CDKAL1: variants seen among roughly 807,000 people sequenced by gnomAD.
The protein encoded by CDKAL1 is CDKAL1 threonylcarbamoyladenosine tRNA methylthiotransferase.
In CDKAL1, 32 loss-of-function variants were observed where a neutral mutation model predicts 68.2. The observed-to-expected ratio is 0.47, with a 90% CI of 0.35 to 0.63. The LOEUF (loss-of-function observed/expected upper bound fraction) is 0.63, where lower values mean the gene tolerates loss of function less well. Among genes scored for constraint, CDKAL1 ranks in the 30% least tolerant of loss-of-function variants. CDKAL1 has a pLI of 0.00. For missense variants in CDKAL1, 606 were observed against 696.7 expected, an observed-to-expected ratio of 0.87 and a Z score of 1.47; for synonymous variants, 234 against 244.3, an observed-to-expected ratio of 0.96 and a Z score of 0.39.
chr6:20,688,374 C>A (rs1230090982), intron 5 of CDKAL1, among the ~76,000 whole-genome samples: 1 of 151,892 alleles, frequency 6.6e-6, no homozygotes, highest in Non-Finnish European at 1.5e-5. Context: ...GTATGTTACA[C>A]CTTTTGTAAT....
At chr6:20,973,323 T>C (rs1454500379) in intron 10 of CDKAL1, among the ~76,000 whole-genome samples, 1 of 152,206 alleles carries the variant, frequency 6.6e-6, no homozygotes, top group African/African-American at 2.4e-5. Context: ...TAAAGGTATC[T>C]TTTGGGTCAC....
chr6:20,793,084 TC>T (rs561940020), intron 8 of CDKAL1, among the ~76,000 whole-genome samples: 145 of 152,332 alleles, frequency 9.5e-4, no homozygotes, highest in African/African-American at 3.4e-3. Context: ...TATTGAGAAT[TC>T]TGTCACTAGC....
intron 5 of CDKAL1, among the ~76,000 whole-genome samples, chr6:20,695,382 C>G (rs1189121614): frequency 1.3e-5 from 2 of 152,172 alleles, no homozygotes; most frequent in South Asian, 2.1e-4. Flanking sequence ...AGGGGAAGGT[C>G]TCACCATCAA....
At chr6:21,049,651 T>C (rs1770430979) in intron 11 of CDKAL1, among the ~76,000 whole-genome samples, 1 of 152,194 alleles carries the variant, frequency 6.6e-6, no homozygotes, top group Admixed American at 6.5e-5. Flanking sequence ...TGTTACAGGA[T>C]AAAAAACTTA....
At chr6:21,019,998 T>C (rs1582041136) in intron 11 of CDKAL1, among the ~76,000 whole-genome samples, 1 of 152,124 alleles carries the variant, frequency 6.6e-6, no homozygotes, top group African/African-American at 2.4e-5. Flanking sequence ...CTAACACCAG[T>C]GTTCTAAATG....
At chr6:20,735,973 C>T (rs1181054883) in intron 5 of CDKAL1, among the ~76,000 whole-genome samples, 1 of 152,220 alleles carries the variant, frequency 6.6e-6, no homozygotes, top group African/African-American at 2.4e-5. Flanking sequence ...TCAACTATCA[C>T]TTTGAAATCT....
At chr6:20,743,512 T>C (rs1773544617) in intron 6 of CDKAL1, among the ~76,000 whole-genome samples, 1 of 152,276 alleles carries the variant, frequency 6.6e-6, no homozygotes, top group Middle Eastern at 3.4e-3. Flanking sequence ...ATTACTACCA[T>C]CATAACATGC....
At chr6:21,206,033 C>T (rs10223539) in intron 15 of CDKAL1, among the ~76,000 whole-genome samples, 18,245 of 146,740 alleles carry the variant, frequency 0.12, 1,622 homozygotes, top group African/African-American at 0.26. Context: ...TTAGTAGAGA[C>T]GGGGTTTCAC....
chr6:20,763,071 C>T (rs1444196318), intron 7 of CDKAL1, among the ~76,000 whole-genome samples: 1 of 152,194 alleles, frequency 6.6e-6, no homozygotes, highest in African/African-American at 2.4e-5. Context: ...CACATCTATT[C>T]TCCATCTTGA....
chr6:20,613,129 A>G (rs933066710), intron 4 of CDKAL1, among the ~76,000 whole-genome samples: 3 of 151,864 alleles, frequency 2.0e-5, no homozygotes, highest in Non-Finnish European at 2.9e-5. Flanking sequence ...CTCCTTTTAC[A>G]TAAAAGTTAG....
intron 13 of CDKAL1, among the ~76,000 whole-genome samples, chr6:21,120,104 T>C (rs1168239815): frequency 1.3e-5 from 2 of 152,246 alleles, no homozygotes; most frequent in East Asian, 3.8e-4. Flanking sequence ...TATTTGACAT[T>C]GTGTGCTCAT....
rs112789632 is a variant in CDKAL1, at chr6:20,552,955, T to A, written c.286+4250T>A. ...AATAATGAGAATGTATAAAGTTTAT[T>A]ATGGCTTACTAGTTGATAATGTTTT... On this transcript the variant is annotated intron_variant, in intron 4 of 15. Coordinates refer to ENST00000274695, the MANE Select transcript of CDKAL1 (RefSeq NM_017774.3). Among the ~76,000 whole-genome samples, 599 of 152,324 alleles carry A rather than the reference T, an allele frequency of 3.9e-3. 3 individuals are homozygous for A. The highest frequency in any genetic ancestry group is 0.014 in the African/African-American group (565 of 41,578).
intron 15 of CDKAL1, among the ~76,000 whole-genome samples, chr6:21,221,779 T>A (rs1779547053): frequency 6.6e-6 from 1 of 152,178 alleles, no homozygotes; most frequent in Non-Finnish European, 1.5e-5. Flanking sequence ...TGAGAAAAAT[T>A]TACACATGAG....
intron 10 of CDKAL1, among the ~76,000 whole-genome samples, chr6:20,999,674 A>G (rs1177363909): frequency 1.4e-5 from 2 of 145,874 alleles, no homozygotes; most frequent in Non-Finnish European, 3.0e-5. Context: ...AAAAAAAAAA[A>G]AAAAAAAAAA....
At chr6:20,609,226 T>C (rs1446212485) in intron 4 of CDKAL1, among the ~76,000 whole-genome samples, 1 of 144,066 alleles carries the variant, frequency 6.9e-6, no homozygotes, top group African/African-American at 2.7e-5. Flanking sequence ...TTTCTTCTTC[T>C]TTCTTCCTTC....
chr6:20,758,577 GTTTT>G lies in CDKAL1; in HGVS notation c.469-8_469-5del. ...CTTCGTGTAAATTACTTGTGTAATC[GTTTT>G]TTTTTTTTTCCAGGTTCAGCAGATA... On this transcript the variant is annotated splice_polypyrimidine_tract_variant and intron_variant, in intron 6 of 15. Transcript: ENST00000274695. 7.5e-7 allele frequency: 1 copy of G among 1,325,134 alleles called. No individual in the cohort carries two copies. 82.1% of individuals were successfully genotyped at this position (1,325,134 alleles called of 1,614,324 possible).
At chr6:20,946,444 C>A (rs1764240456) in intron 9 of CDKAL1, among the ~76,000 whole-genome samples, 1 of 152,156 alleles carries the variant, frequency 6.6e-6, no homozygotes, top group South Asian at 2.1e-4. Context: ...TTTTCCCAAT[C>A]ACTTCATCAT....
chr6:20,586,782 C>T (rs1765372798), intron 4 of CDKAL1, among the ~76,000 whole-genome samples: 1 of 152,054 alleles, frequency 6.6e-6, no homozygotes, highest in Non-Finnish European at 1.5e-5. Flanking sequence ...ATGTAAATAT[C>T]CACATGAGTG....
intron 13 of CDKAL1, among the ~76,000 whole-genome samples, chr6:21,172,238 A>T (rs1008743084): frequency 3.3e-5 from 5 of 152,144 alleles, no homozygotes; most frequent in African/African-American, 9.7e-5. Flanking sequence ...TGAAATGGTC[A>T]AGCTGGGACT....
Sources: allele counts gnomAD v4.1 joint callset (sites outside exome capture counted in the v4.1 genomes callset), GRCh38; gene constraint gnomAD v4.1.1; transcripts MANE v1.5; gene names NCBI Gene and HGNC (gene_info 2026-07-23, HGNC 2026-07-21).